LOC400499: variants seen among roughly 807,000 people sequenced by gnomAD.
At chr16:11,501,220 CGT>C in the LOC400499 span, among the ~76,000 whole-genome samples, 537 of 152,160 alleles carry the variant, frequency 3.5e-3, 3 homozygotes, top group African/African-American at 0.012. Flanking sequence ...AACACAAGTC[CGT>C]ACCCAGTGCT....
the LOC400499 span, among the ~76,000 whole-genome samples, chr16:11,380,661 C>G: frequency 6.6e-6 from 1 of 152,156 alleles, no homozygotes; most frequent in East Asian, 1.9e-4. Context: ...TTCTTAGATA[C>G]TTGTCTGGTG....
At chr16:11,373,458 T>G in the LOC400499 span, among the ~76,000 whole-genome samples, 2 of 151,804 alleles carry the variant, frequency 1.3e-5, no homozygotes, top group African/African-American at 4.8e-5. Context: ...GTCAGCCTCC[T>G]GAGTAGCTGG....
the LOC400499 span, chr16:11,385,549 C>T: frequency 1.9e-6 from 1 of 532,346 alleles, no homozygotes; most frequent in Non-Finnish European, 2.9e-6. Context: ...GATTCCCCCT[C>T]CCCTGGCGCA....
chr16:11,430,939 A>C, the LOC400499 span: 1 of 397,940 alleles, frequency 2.5e-6, no homozygotes, highest in African/African-American at 2.1e-5. Context: ...GAGATGCTGG[A>C]GTTGGAGCAT....
the LOC400499 span, among the ~76,000 whole-genome samples, chr16:11,451,853 G>A: frequency 1.3e-5 from 2 of 152,194 alleles, no homozygotes; most frequent in Admixed American, 6.5e-5. Context: ...GAGCCGCGGA[G>A]TTGAGAATAG....
At chr16:11,504,098 T>C in the LOC400499 span, among the ~76,000 whole-genome samples, 1 of 152,190 alleles carries the variant, frequency 6.6e-6, no homozygotes, top group Non-Finnish European at 1.5e-5. Context: ...GCCACAAGTG[T>C]TACCCTGAGA....
chr16:11,399,536 A>C, the LOC400499 span: 1 of 398,590 alleles, frequency 2.5e-6, no homozygotes, highest in Non-Finnish European at 4.4e-6. Context: ...TTCAACGAAC[A>C]CAGCTGGGGT....
At chr16:11,517,012 C>T in the LOC400499 span, among the ~76,000 whole-genome samples, 1 of 152,296 alleles carries the variant, frequency 6.6e-6, no homozygotes, top group African/African-American at 2.4e-5. Flanking sequence ...GAGGCTTTCT[C>T]TGAACTCCCC....
chr16:11,419,123 A>G, the LOC400499 span, among the ~76,000 whole-genome samples: 1 of 152,158 alleles, frequency 6.6e-6, no homozygotes, highest in Non-Finnish European at 1.5e-5. Flanking sequence ...CCGAGATCAC[A>G]CTACTGTACT....
chr16:11,503,883 C>G, the LOC400499 span, among the ~76,000 whole-genome samples: 1 of 152,232 alleles, frequency 6.6e-6, no homozygotes, highest in Non-Finnish European at 1.5e-5. Flanking sequence ...CTCTATTGCC[C>G]AGTTTGGGGC....
the LOC400499 span, chr16:11,494,494 T>G: frequency 3.2e-4 from 75 of 232,424 alleles, no homozygotes; most frequent in East Asian, 8.7e-4. Flanking sequence ...ACCCCCACCC[T>G]CTCCACCTGG....
At chr16:11,481,353 A>C in the LOC400499 span, among the ~76,000 whole-genome samples, 7 of 151,992 alleles carry the variant, frequency 4.6e-5, no homozygotes, top group African/African-American at 1.7e-4. Context: ...ACGAAGTCTC[A>C]CTCTTGCCGC....
At chr16:11,492,203 C>G in the LOC400499 span, among the ~76,000 whole-genome samples, 20 of 152,250 alleles carry the variant, frequency 1.3e-4, no homozygotes, top group Middle Eastern at 3.4e-3. Context: ...AAGCAATTCA[C>G]CTCCCCACAT....
chr16:11,507,106 G>T, the LOC400499 span, among the ~76,000 whole-genome samples: 949 of 152,310 alleles, frequency 6.2e-3, 11 homozygotes, highest in African/African-American at 0.022. Flanking sequence ...AGCCACCCCT[G>T]CCAGGGGAAA....
chr16:11,492,732 C>T, the LOC400499 span, among the ~76,000 whole-genome samples: 2 of 150,878 alleles, frequency 1.3e-5, no homozygotes, highest in Non-Finnish European at 2.9e-5. Context: ...TTGCAGTGAG[C>T]GGAGATGGTG....
chr16:11,524,862 T>A, the LOC400499 span, among the ~76,000 whole-genome samples: 1 of 151,966 alleles, frequency 6.6e-6, no homozygotes, highest in Admixed American at 6.6e-5. Flanking sequence ...CTCCTATGCA[T>A]TAAGCAGGCA....
the LOC400499 span, among the ~76,000 whole-genome samples, chr16:11,443,115 G>T: frequency 1.8e-4 from 28 of 152,156 alleles, no homozygotes; most frequent in African/African-American, 6.7e-4. Flanking sequence ...CCTGAGGTCA[G>T]GAGCTCGAGA....
At chr16:11,381,460 C>T in the LOC400499 span, among the ~76,000 whole-genome samples, 11 of 152,096 alleles carry the variant, frequency 7.2e-5, no homozygotes, top group East Asian at 1.9e-4. Context: ...GATGAGTCCT[C>T]GGTCTGATAG....
chr16:11,378,230 C>A, the LOC400499 span, among the ~76,000 whole-genome samples: 6 of 148,720 alleles, frequency 4.0e-5, no homozygotes, highest in African/African-American at 1.5e-4. Flanking sequence ...TGTCACTGTG[C>A]CTGGCTGCTG....
Sources: gnomAD v4.1 joint callset for allele counts (sites outside exome capture counted in the v4.1 genomes callset) on GRCh38, gnomAD v4.1.1 for gene constraint, MANE v1.5 for transcripts.